ZNF548: variants seen among roughly 807,000 people sequenced by gnomAD.
ZNF548 encodes the protein zinc finger protein 548.
ZNF548 carries 10 observed loss-of-function variants against 10.2 expected under a neutral mutation model. The ratio of observed to expected loss-of-function variants is 0.98; its 90% CI spans 0.60 to 1.66. The LOEUF (loss-of-function observed/expected upper bound fraction) is 1.66. Among genes scored for constraint, ZNF548 ranks in the 40% most tolerant of loss-of-function variants. The pLI is 0.00. For synonymous variants in ZNF548, 217 were observed against 223.5 expected, an observed-to-expected ratio of 0.97 and a Z score of 0.26; for missense variants, 599 against 657.0, an observed-to-expected ratio of 0.91 and a Z score of 0.97.
In ZNF548 at chr19:57,398,449, G is replaced by A; in HGVS notation, c.198G>A (p.Glu66=). Residue 66 remains glutamate (E), a synonymous_variant, in exon 4 of 4, where the codon GAG becomes GAA. Coordinates refer to ENST00000336128, the MANE Select transcript of ZNF548 (RefSeq NM_001172773.2). Reference sequence around the variant, plus strand: ...TGACAGGTTCTTGGCATGGAGCTGAGGATGAGGAGGCACCTTCACAGCAAG... The same window carrying A: ...TGACAGGTTCTTGGCATGGAGCTGAAGATGAGGAGGCACCTTCACAGCAAG... ...LSSLGSWHGA[E]DEEAPSQQGF... 1 of 1,613,858 alleles carries A rather than the reference G, an allele frequency of 6.2e-7. No homozygotes were observed. The highest frequency in any genetic ancestry group is 8.5e-7 in the Non-Finnish European group (1 of 1,179,748).
At chr19:57,394,015 T>G in intron 1 of ZNF548, 173 bp from the exon 2 acceptor site, 1 of 679,430 alleles carries the variant, frequency 1.5e-6, no homozygotes, top group Middle Eastern at 3.2e-4. Context: ...GAAGCTCAGG[T>G]GGGTTTGGTT....
In ZNF548 at chr19:57,398,303, C is replaced by T. The variant is rs191507911; in HGVS notation, c.179-127C>T. The T allele has an allele frequency of 7.8e-5, 118 of 1,520,532 alleles. No homozygotes were observed. In the African/African-American group the frequency reaches 1.5e-3, roughly 20 times the overall value. The allele number at this position is 1,520,532 out of a possible 1,614,324, so 94.2% of individuals were successfully genotyped here. ...GCATAGTGGACCCTCCTCTCACTGG[C>T]CTTAATGTCCATGATGTCCCCAATC... is the stretch of plus-strand genomic sequence containing the variant. On this transcript the variant is annotated intron_variant, in intron 3 of 3. Transcript: ENST00000336128.
rs760441279 is a variant in ZNF548 at position 57,399,158 on chromosome 19, C to G, written c.907C>G (p.Arg303Gly). Residue 303 changes from arginine to glycine, a missense_variant, in exon 4 of 4, where the codon CGG (arginine) becomes GGG (glycine). Transcript: ENST00000336128. This position sits in a 1 kb window ranked among gnomAD's most constrained non-coding sequence, Gnocchi z 4.0. The stretch of plus-strand genomic sequence containing the variant: ...GTGCAACACATGTGGGAAATTCTTT[C>G]GGTACAGCTCCACATTTGTTAGACA... ...YECNTCGKFF[R>G]YSSTFVRHQR... 3.1e-6 allele frequency: 5 copies of G among 1,610,206 alleles called. No individual in the cohort carries two copies. The highest frequency in any genetic ancestry group is 3.4e-6 in the Non-Finnish European group (4 of 1,178,910).
chr19:57,391,933 G>A (rs1347334266), intron 1 of ZNF548, among the ~76,000 whole-genome samples: 2 of 151,960 alleles, frequency 1.3e-5, no homozygotes, highest in African/African-American at 2.4e-5. Flanking sequence ...AAGTAGCTGG[G>A]ATTACAGGTG....
chr19:57,399,472 C>T lies in ZNF548; in HGVS notation c.1221C>T (p.Cys407=). ...ACACTGGAGAAAGGCCTTATAAATG[C>T]AGTGAATGTGGGAAATCATTTAGGT... ...RNHTGERPYK[C]SECGKSFRYH... is the part of the protein sequence containing the mutation. Residue 407 remains cysteine, a synonymous_variant, in exon 4 of 4, where the codon TGC becomes TGT. Coordinates refer to ENST00000336128, the MANE Select transcript of ZNF548 (RefSeq NM_001172773.2). The surrounding 1 kb of genome is among the most constrained non-coding windows in gnomAD (Gnocchi z 4.0). 1 of 1,614,080 alleles carries T rather than the reference C, an allele frequency of 6.2e-7. No individual in the cohort carries two copies. The highest frequency in any genetic ancestry group is 8.5e-7 in the Non-Finnish European group (1 of 1,180,016).
intron 1 of ZNF548, 197 bp from the exon 2 acceptor site, chr19:57,393,991 C>G (rs2088647213): frequency 4.6e-6 from 3 of 648,156 alleles, no homozygotes; most frequent in Admixed American, 2.8e-5. Context: ...AATCTATTTA[C>G]AGATGGAGAC....
At chr19:57,392,931 A>G (rs1377014735) in intron 1 of ZNF548, 24 of 985,474 alleles carry the variant, frequency 2.4e-5, no homozygotes, top group Non-Finnish European at 2.9e-5. Context: ...CATCTGTAAA[A>G]AGGGAGGCCT....
intron 1 of ZNF548, chr19:57,392,785 G>GA (rs1375602851): frequency 6.1e-6 from 6 of 985,326 alleles, no homozygotes; most frequent in Non-Finnish European, 7.2e-6. Flanking sequence ...GGGAAATCTT[G>GA]AGGTTGTCAT....
At position 57,401,197 on chromosome 19, in the gene ZNF548, A is replaced by C. The variant is rs1440471769; in HGVS notation, c.*1308A>C. 2 of 152,122 alleles carry C rather than the reference A, an allele frequency of 1.3e-5. No homozygotes were observed. The highest frequency in any genetic ancestry group is 2.9e-5 in the Non-Finnish European group (2 of 68,030). The allele number at this position is 152,122 out of a possible 1,614,324, so 9.4% of individuals were successfully genotyped here. On this transcript the variant is annotated 3_prime_UTR_variant, in exon 4 of 4. Coordinates refer to ENST00000336128, the MANE Select transcript of ZNF548 (RefSeq NM_001172773.2). ...GATTGTGTCCTTTGATGAAATTTTA[A>C]GTTTTGATGTACTGTTGACTCTTTC...
chr19:57,399,049 G>C lies in ZNF548; in HGVS notation c.798G>C (p.Glu266Asp). The C allele has an allele frequency of 6.2e-7, 1 of 1,614,246 alleles. No individual in the cohort carries two copies. The highest frequency in any genetic ancestry group is 8.5e-7 in the Non-Finnish European group (1 of 1,180,038). ...QTVHTSERTYECRECGKSFMY... is the reference protein window; with the variant it reads ...QTVHTSERTYDCRECGKSFMY... Reference sequence around the variant, plus strand: ...TTCACACTAGTGAAAGGACTTATGAGTGCAGAGAATGTGGAAAATCCTTTA... The same window carrying C: ...TTCACACTAGTGAAAGGACTTATGACTGCAGAGAATGTGGAAAATCCTTTA... Residue 266 changes from glutamate (E) to aspartate (D), a missense_variant, in exon 4 of 4, where the codon GAG becomes GAC. Transcript: ENST00000336128. The surrounding 1 kb of genome is among the most constrained non-coding windows in gnomAD (Gnocchi z 4.0).
rs1028348165 is a variant in ZNF548 at position 57,395,551 on chromosome 19, G to C, written c.51+1328G>C. On this transcript the variant is annotated intron_variant, in intron 2 of 3. Transcript: ENST00000336128. This position sits in a 1 kb window ranked among gnomAD's most constrained non-coding sequence, Gnocchi z 4.8. The stretch of plus-strand genomic sequence containing the variant: ...GGGGAAGCGAGGCACATCTTCCCAT[G>C]ATGGAGCAGGAGAGAGGGAGAGAAT... Among the ~76,000 whole-genome samples the C allele has an allele frequency of 5.3e-5, 8 of 152,146 alleles. No homozygotes were observed. Among genetic ancestry groups the C allele is most frequent in the Non-Finnish European group, 1.0e-4 (7 of 68,018 alleles).
chr19:57,393,894 T>C (rs1000289195), intron 1 of ZNF548: 10 of 470,308 alleles, frequency 2.1e-5, no homozygotes, highest in African/African-American at 1.2e-4. Context: ...AAACCATTAA[T>C]CTTGGACCAT....
At chr19:57,394,282 A>T in intron 2 of ZNF548, 59 bp downstream of exon 2, 1 of 1,546,032 alleles carries the variant, frequency 6.5e-7, no homozygotes, top group South Asian at 1.2e-5. Context: ...TGGTTTTGGC[A>T]GGTGACAAAA....
chr19:57,394,288 C>A, intron 2 of ZNF548, 65 bp downstream of exon 2: 1 of 1,506,690 alleles, frequency 6.6e-7, no homozygotes, highest in Non-Finnish European at 9.0e-7. Flanking sequence ...TGGCAGGTGA[C>A]AAAACCTCTT....
At position 57,402,052 on chromosome 19, in the gene ZNF548, A is replaced by C. The variant is rs1298312170; in HGVS notation, c.*2163A>C. ...TAATGCACTGTGCCTGGCTACATTT[A>C]GATCTTTAATCTACTTGGGGTTCAT... On this transcript the variant is annotated 3_prime_UTR_variant, in exon 4 of 4. Coordinates refer to ENST00000336128, the MANE Select transcript of ZNF548 (RefSeq NM_001172773.2). The C allele has an allele frequency of 6.6e-6, 1 of 152,172 alleles. No homozygotes were observed. Among genetic ancestry groups the C allele is most frequent in the East Asian group, 1.9e-4 (1 of 5,192 alleles). The allele number at this position is 152,172 out of a possible 1,614,324, so 9.4% of individuals were successfully genotyped here.
chr19:57,392,719 T>C (rs1252032146), intron 1 of ZNF548: 1 of 944,072 alleles, frequency 1.1e-6, no homozygotes, highest in Admixed American at 6.2e-5. Context: ...ATTACCATGC[T>C]GTTTTGGTTA....
chr19:57,399,284 G>A lies in ZNF548; in HGVS notation c.1033G>A (p.Gly345Arg), dbSNP rs377304568. The change falls in exon 4 of 4, where the codon GGA becomes AGA. Residue 345 changes from glycine (G) to arginine (R), a missense_variant. By Grantham distance (125) the Gly-to-Arg change is moderately radical. Coordinates refer to ENST00000336128, the MANE Select transcript of ZNF548 (RefSeq NM_001172773.2). The surrounding 1 kb of genome is among the most constrained non-coding windows in gnomAD (Gnocchi z 4.0). Reference protein sequence around the residue: ...TLIKHQRVHTGERPYKCNDCG... With the variant: ...TLIKHQRVHTRERPYKCNDCG... ...CATTAAACATCAGAGAGTTCACACC[G>A]GAGAAAGACCTTATAAGTGCAATGA... is the stretch of plus-strand genomic sequence containing the variant. The A allele has an allele frequency of 2.8e-5, 45 of 1,613,772 alleles. No individual in the cohort carries two copies. The highest frequency in any genetic ancestry group is 1.5e-4 in the Admixed American group (9 of 60,000).
At position 57,399,583 on chromosome 19, in the gene ZNF548, C is replaced by T; in HGVS notation, c.1332C>T (p.Tyr444=). 9.9e-6 allele frequency: 16 copies of T among 1,613,694 alleles called. No individual in the cohort carries two copies. The highest frequency in any genetic ancestry group is 1.4e-5 in the Non-Finnish European group (16 of 1,179,938). Residue 444 remains tyrosine, a synonymous_variant, in exon 4 of 4, where the codon TAC becomes TAT. Coordinates refer to ENST00000336128, the MANE Select transcript of ZNF548 (RefSeq NM_001172773.2). This position sits in a 1 kb window ranked among gnomAD's most constrained non-coding sequence, Gnocchi z 4.0. ...GCGAATGCGGGAAATTCTTTCGTTA[C>T]AACTCCAACCTCATTAAACATTGGA... ...ECSECGKFFR[Y]NSNLIKHWRN...
In ZNF548 at chr19:57,390,005, G is replaced by A; in HGVS notation, c.-95G>A. ...TCCCACCACGGAGAGGCGGGAGTGA[G>A]TCAACTGACAAGCGCTGGGGACAGT... On this transcript the variant is annotated 5_prime_UTR_variant, in exon 1 of 4. Coordinates refer to ENST00000336128, the MANE Select transcript of ZNF548 (RefSeq NM_001172773.2). The A allele has an allele frequency of 6.9e-7, 1 of 1,439,048 alleles. No homozygotes were observed. The highest frequency in any genetic ancestry group is 9.3e-7 in the Non-Finnish European group (1 of 1,075,594). 89.1% of individuals were successfully genotyped at this position (1,439,048 alleles called of 1,614,324 possible). A position where few individuals can be genotyped will look rare whatever the true frequency, so the allele number is the denominator to read the frequency against.
Sources: allele counts gnomAD v4.1 joint callset (sites outside exome capture counted in the v4.1 genomes callset), GRCh38; gene constraint gnomAD v4.1.1; non-coding constraint Gnocchi (gnomAD v3.1); transcripts MANE v1.5; gene names NCBI Gene and HGNC (gene_info 2026-07-23, HGNC 2026-07-21).